The following SPSB4 variants were observed in gnomAD, a reference collection of about 807,000 sequenced individuals.
The protein encoded by SPSB4 is splA/ryanodine receptor domain and SOCS box containing 4.
A neutral mutation model predicts 20.9 loss-of-function variants in SPSB4; 21 were observed. The ratio of observed to expected loss-of-function variants is 1.01; its 90% CI spans 0.71 to 1.45. The LOEUF (loss-of-function observed/expected upper bound fraction) is 1.45, where lower values mean the gene tolerates loss of function less well. Among genes scored for constraint, SPSB4 ranks in the 40% most tolerant of loss-of-function variants. SPSB4 has a pLI of 0.00. For missense variants in SPSB4, 399 were observed against 399.2 expected (o/e 1.00, Z 0.00); for synonymous variants, 207 against 183.8 (o/e 1.13, Z -1.02).
intron 2 of SPSB4, among the ~76,000 whole-genome samples, chr3:141,081,496 G>C (rs960008804): frequency 2.6e-5 from 4 of 152,162 alleles, no homozygotes; most frequent in African/African-American, 9.7e-5. Flanking sequence ...GAAAGATTTA[G>C]CCCAGATACC....
chr3:141,059,830 A>G (rs1937728354), intron 1 of SPSB4, among the ~76,000 whole-genome samples: 1 of 151,882 alleles, frequency 6.6e-6, no homozygotes, highest in Admixed American at 6.6e-5. Context: ...GATGTGCCAG[A>G]CTTTACAGGT....
At chr3:141,129,191 C>T (rs189833049) in intron 2 of SPSB4, among the ~76,000 whole-genome samples, 46 of 152,286 alleles carry the variant, frequency 3.0e-4, no homozygotes, top group Admixed American at 1.4e-3. Context: ...CTTTCCCACA[C>T]ATCCTGCCCA....
chr3:141,137,975 TG>T (rs1939256317), intron 2 of SPSB4, among the ~76,000 whole-genome samples: 1 of 152,180 alleles, frequency 6.6e-6, no homozygotes, highest in Non-Finnish European at 1.5e-5. Flanking sequence ...GGACTTTTTT[TG>T]GTTGGTAAGC....
At chr3:141,071,998 A>T (rs1938017273) in intron 2 of SPSB4, among the ~76,000 whole-genome samples, 1 of 152,244 alleles carries the variant, frequency 6.6e-6, no homozygotes, top group South Asian at 2.1e-4. Flanking sequence ...CCTTCTCGCT[A>T]GACCCCCGTG....
chr3:141,107,043 G>C (rs559260642), intron 2 of SPSB4, among the ~76,000 whole-genome samples: 1 of 152,312 alleles, frequency 6.6e-6, no homozygotes, highest in Admixed American at 6.5e-5. Context: ...GCCCCACTGG[G>C]ATCTCAGGCT....
intron 2 of SPSB4, among the ~76,000 whole-genome samples, chr3:141,129,560 C>T (rs1403804342): frequency 6.6e-6 from 1 of 152,196 alleles, no homozygotes; most frequent in Non-Finnish European, 1.5e-5. Flanking sequence ...TTCTTGTTTT[C>T]CAGCACTCTT....
intron 2 of SPSB4, among the ~76,000 whole-genome samples, chr3:141,124,936 A>C (rs970452982): frequency 2.6e-5 from 4 of 152,300 alleles, no homozygotes; most frequent in African/African-American, 9.6e-5. Flanking sequence ...CCCAGGTGAC[A>C]CTGGTGCTGC....
intron 2 of SPSB4, among the ~76,000 whole-genome samples, chr3:141,113,944 C>T (rs1345867889): frequency 6.6e-6 from 1 of 152,098 alleles, no homozygotes; most frequent in East Asian, 1.9e-4. Context: ...AAAAATTAGC[C>T]AGACATGGTG....
chr3:141,116,172 G>A (rs1280551543), intron 2 of SPSB4, among the ~76,000 whole-genome samples: 2 of 152,220 alleles, frequency 1.3e-5, no homozygotes, highest in Admixed American at 6.5e-5. Context: ...GTTGTGAGGA[G>A]CACAGCCCCA....
At chr3:141,125,009 A>G (rs766468901) in intron 2 of SPSB4, among the ~76,000 whole-genome samples, 47 of 152,188 alleles carry the variant, frequency 3.1e-4, no homozygotes, top group Non-Finnish European at 6.3e-4. Flanking sequence ...CAGAGATCAC[A>G]TGTGACAATG....
In SPSB4 at chr3:141,114,291, G is replaced by A. The variant is rs111715147; in HGVS notation, c.695-32851G>A. On this transcript the variant is annotated intron_variant, in intron 2 of 2. Transcript: ENST00000310546. ...CACCCTTCATTCCCCATGACCCCAG[G>A]AAAGTGTGCTCTCCTCCAGCTGAGG... is the stretch of plus-strand genomic sequence containing the variant. Among the ~76,000 whole-genome samples, 905 of 152,202 alleles carry A rather than the reference G, an allele frequency of 5.9e-3. 9 individuals are homozygous for A. The highest frequency in any genetic ancestry group is 0.02 in the Middle Eastern group (6 of 294).
At chr3:141,067,850 G>T (rs1937921407) in intron 2 of SPSB4, among the ~76,000 whole-genome samples, 1 of 152,202 alleles carries the variant, frequency 6.6e-6, no homozygotes, top group Non-Finnish European at 1.5e-5. Flanking sequence ...GGCGCTGAAA[G>T]CTAGAATTTC....
chr3:141,100,403 G>C (rs950526538), intron 2 of SPSB4, among the ~76,000 whole-genome samples: 3 of 152,302 alleles, frequency 2.0e-5, no homozygotes, highest in East Asian at 1.9e-4. Context: ...AACGCCCTGT[G>C]AGCATGAATG....
chr3:141,094,401 C>T (rs1938511910), intron 2 of SPSB4, among the ~76,000 whole-genome samples: 1 of 152,218 alleles, frequency 6.6e-6, no homozygotes, highest in African/African-American at 2.4e-5. Flanking sequence ...AGAGTCTCTG[C>T]TCCTGCCCTC....
chr3:141,112,292 G>A (rs1938811595), intron 2 of SPSB4, among the ~76,000 whole-genome samples: 1 of 152,196 alleles, frequency 6.6e-6, no homozygotes, highest in African/African-American at 2.4e-5. Context: ...AGTGATGCTG[G>A]CTATTAATAT....
In SPSB4 at chr3:141,147,825, A is replaced by G. The variant is rs1422349962; in HGVS notation, c.*556A>G. ...TGAGAGACTGTTCCCAGGAGGCCCA[A>G]CCGCAGACCTGGCAAGTGGACAGTG... is the stretch of plus-strand genomic sequence containing the variant. On this transcript the variant is annotated 3_prime_UTR_variant, in exon 3 of 3. Transcript: ENST00000310546. 6.4e-6 allele frequency: 1 copy of G among 155,878 alleles called. No individual in the cohort carries two copies. The highest frequency in any genetic ancestry group is 2.4e-5 in the African/African-American group (1 of 41,452). 9.7% of individuals were successfully genotyped at this position (155,878 alleles called of 1,614,324 possible).
chr3:141,066,319 G>A lies in SPSB4; in HGVS notation c.215G>A (p.Arg72Gln). 1.3e-6 allele frequency: 2 copies of A among 1,572,626 alleles called. No homozygotes were observed. Among genetic ancestry groups the A allele is most frequent in the East Asian group, 2.4e-5 (1 of 41,898 alleles). The change falls in exon 2 of 3, where the codon CGG becomes CAG. Residue 72 changes from arginine (R) to glutamine (Q), a missense_variant. By Grantham distance (43) the Arg-to-Gln change is conservative. Transcript: ENST00000310546. The stretch of plus-strand genomic sequence containing the variant: ...AACGTCTTCGTCAAGGACGACGACC[G>A]GCTCACCTTCCACCGGCACCCCGTG... ...SLNVFVKDDD[R>Q]LTFHRHPVAQ...
Position 141,131,826 on chromosome 3 carries a change from C to A in SPSB4, c.695-15316C>A, listed in dbSNP as rs537968172. On this transcript the variant is annotated intron_variant, in intron 2 of 2. Transcript: ENST00000310546. Reference sequence around the variant, plus strand: ...GAACATTTTGGTGAACATGTATATGCTTTTCTGTTAGGTGTTTACCCAGGA... The same window carrying A: ...GAACATTTTGGTGAACATGTATATGATTTTCTGTTAGGTGTTTACCCAGGA... Among the ~76,000 whole-genome samples the A allele has an allele frequency of 3.3e-5, 5 of 152,246 alleles. No individual in the cohort carries two copies. In the South Asian group the frequency reaches 1.0e-3, roughly 32 times the overall value.
At chr3:141,098,218 C>T (rs1056336812) in intron 2 of SPSB4, among the ~76,000 whole-genome samples, 1 of 152,236 alleles carries the variant, frequency 6.6e-6, no homozygotes, top group Admixed American at 6.5e-5. Context: ...GATAGGACCA[C>T]TCCCACCTTA....
Sources: allele counts gnomAD v4.1 joint callset (sites outside exome capture counted in the v4.1 genomes callset), GRCh38; gene constraint gnomAD v4.1.1; transcripts MANE v1.5; gene names NCBI Gene and HGNC (gene_info 2026-07-23, HGNC 2026-07-21).